Variants in PAIP2B observed in about 807,000 individuals in gnomAD.
The protein encoded by PAIP2B is poly(A) binding protein interacting protein 2B.
PAIP2B carries 13 observed loss-of-function variants against 17.0 expected under a neutral mutation model. The observed-to-expected ratio is 0.76, with a 90% CI of 0.50 to 1.22. PAIP2B has a LOEUF of 1.22. Ranked by LOEUF, PAIP2B falls within the 50% of genes most tolerant of loss-of-function variation. The probability of loss-of-function intolerance (pLI) is 0.00; values close to 1 mark genes in which losing one functional copy is unlikely to be tolerated. For missense variants in PAIP2B, 117 were observed against 144.5 expected, an observed-to-expected ratio of 0.81 and a Z score of 0.98; for synonymous variants, 43 against 48.7, an observed-to-expected ratio of 0.88 and a Z score of 0.48.
chr2:71,191,077 G>C (rs1330408287), intron 2 of PAIP2B, among the ~76,000 whole-genome samples: 1 of 152,190 alleles, frequency 6.6e-6, no homozygotes, highest in African/African-American at 2.4e-5. Context: ...TCACTCTGCA[G>C]ATTTCAGTGT....
intron 1 of PAIP2B, among the ~76,000 whole-genome samples, chr2:71,226,395 T>A (rs1675726982): frequency 6.6e-6 from 1 of 151,854 alleles, no homozygotes; most frequent in African/African-American, 2.4e-5. Flanking sequence ...CCCAGGCAAA[T>A]GAGGCATGAA....
intron 1 of PAIP2B, among the ~76,000 whole-genome samples, chr2:71,204,486 A>G (rs1025668817): frequency 2.0e-5 from 3 of 152,188 alleles, no homozygotes; most frequent in Non-Finnish European, 4.4e-5. Context: ...CTAAAAAGAC[A>G]AGGTAAAATT....
At chr2:71,190,456 T>C (rs1674660797) in intron 2 of PAIP2B, among the ~76,000 whole-genome samples, 1 of 152,106 alleles carries the variant, frequency 6.6e-6, no homozygotes, top group African/African-American at 2.4e-5. Flanking sequence ...AAAAAAAAGA[T>C]TTTATGATCT....
intron 1 of PAIP2B, among the ~76,000 whole-genome samples, chr2:71,218,881 G>A (rs1675501320): frequency 1.3e-5 from 2 of 149,616 alleles, no homozygotes; most frequent in African/African-American, 4.9e-5. Context: ...AAACCAGAAT[G>A]TTTTGAGTGG....
intron 2 of PAIP2B, among the ~76,000 whole-genome samples, chr2:71,191,977 G>A (rs376997616): frequency 1.3e-5 from 2 of 152,086 alleles, no homozygotes; most frequent in Admixed American, 6.5e-5. Context: ...TGCCAATCCC[G>A]AGTTCCCATT....
At chr2:71,195,578 C>T (rs974955192) in intron 2 of PAIP2B, among the ~76,000 whole-genome samples, 6 of 152,078 alleles carry the variant, frequency 3.9e-5, no homozygotes, top group African/African-American at 1.4e-4. Context: ...TTTGTCATTT[C>T]TAATTGTGTT....
chr2:71,188,818 G>A (rs1020917879), intron 3 of PAIP2B, among the ~76,000 whole-genome samples: 3 of 152,080 alleles, frequency 2.0e-5, no homozygotes, highest in African/African-American at 4.8e-5. Flanking sequence ...AATTCACTGA[G>A]TACCTTAACT....
chr2:71,220,622 C>T (rs145409229), intron 1 of PAIP2B, among the ~76,000 whole-genome samples: 1 of 152,310 alleles, frequency 6.6e-6, no homozygotes, highest in African/African-American at 2.4e-5. Flanking sequence ...TATAGTGCTC[C>T]AGAGTGCTCA....
At chr2:71,206,394 T>C (rs1675128395) in intron 1 of PAIP2B, among the ~76,000 whole-genome samples, 1 of 152,172 alleles carries the variant, frequency 6.6e-6, no homozygotes, top group African/African-American at 2.4e-5. Flanking sequence ...TCAAACATGC[T>C]GAAAATAAGA....
intron 1 of PAIP2B, among the ~76,000 whole-genome samples, chr2:71,205,785 G>T (rs1484899655): frequency 6.6e-6 from 1 of 152,212 alleles, no homozygotes; most frequent in Non-Finnish European, 1.5e-5. Flanking sequence ...TGAGGACAAA[G>T]AAAATATGCC....
intron 1 of PAIP2B, among the ~76,000 whole-genome samples, chr2:71,213,206 A>G (rs1166378361): frequency 6.6e-6 from 1 of 152,222 alleles, no homozygotes; most frequent in Non-Finnish European, 1.5e-5. Flanking sequence ...AAACTAGAAG[A>G]AATTCATACA....
intron 1 of PAIP2B, among the ~76,000 whole-genome samples, chr2:71,222,020 G>C (rs1192485496): frequency 6.6e-6 from 1 of 152,184 alleles, no homozygotes; most frequent in Non-Finnish European, 1.5e-5. Context: ...GCAGCAACCT[G>C]CTGGGGTCCC....
At chr2:71,191,056 T>C (rs1325096431) in intron 2 of PAIP2B, among the ~76,000 whole-genome samples, 2 of 152,226 alleles carry the variant, frequency 1.3e-5, no homozygotes, top group Non-Finnish European at 2.9e-5. Flanking sequence ...ACTCTTAGTA[T>C]AGAGTGTGGT....
Position 71,183,693 on chromosome 2 carries a change from G to A in PAIP2B, c.*4786C>T, listed in dbSNP as rs572838279. 1 of 152,306 alleles carries A rather than the reference G, an allele frequency of 6.6e-6. No individual in the cohort carries two copies. The highest frequency in any genetic ancestry group is 2.1e-4 in the South Asian group (1 of 4,828). The allele number at this position is 152,306 out of a possible 1,614,324, so 9.4% of individuals were successfully genotyped here. On this transcript the variant is annotated 3_prime_UTR_variant, in exon 4 of 4. Coordinates refer to ENST00000244221, the MANE Select transcript of PAIP2B (RefSeq NM_020459.1). ...AGCCAGACCCAAGGGACCACATATT[G>A]TATGATTCCATTGATTTGAACTGTC...
intron 1 of PAIP2B, among the ~76,000 whole-genome samples, chr2:71,203,248 C>G (rs1327761834): frequency 6.6e-6 from 1 of 152,088 alleles, no homozygotes; most frequent in Admixed American, 6.6e-5. Flanking sequence ...GATGCCCCAT[C>G]ATTTGCTTTT....
chr2:71,215,283 G>A (rs1675398784), intron 1 of PAIP2B, among the ~76,000 whole-genome samples: 2 of 151,854 alleles, frequency 1.3e-5, no homozygotes, highest in South Asian at 4.2e-4. Flanking sequence ...AGGTGACAGA[G>A]CGAGACTTCG....
intron 2 of PAIP2B, among the ~76,000 whole-genome samples, chr2:71,193,594 C>T (rs1277644935): frequency 6.6e-6 from 1 of 152,200 alleles, no homozygotes; most frequent in Admixed American, 6.5e-5. Flanking sequence ...GTGGCTCCGC[C>T]TGTAATCCCA....
chr2:71,212,563 C>G (rs1371066395), intron 1 of PAIP2B, among the ~76,000 whole-genome samples: 1 of 152,192 alleles, frequency 6.6e-6, no homozygotes, highest in Non-Finnish European at 1.5e-5. Flanking sequence ...CAGTCAGTGA[C>G]AGCACTACTC....
chr2:71,183,023 A>C lies in PAIP2B; in HGVS notation c.*5456T>G, dbSNP rs1572914311. ...TGGGCTGCTCCGGGACACCATCACCACTTCACCATCCACAACATCCTCAAG... is the reference window on the plus strand; with the variant it reads ...TGGGCTGCTCCGGGACACCATCACCCCTTCACCATCCACAACATCCTCAAG... On this transcript the variant is annotated 3_prime_UTR_variant, in exon 4 of 4. Coordinates refer to ENST00000244221, the MANE Select transcript of PAIP2B (RefSeq NM_020459.1). 1 of 89,612 alleles carries C rather than the reference A, an allele frequency of 1.1e-5. No individual in the cohort carries two copies. Among genetic ancestry groups the C allele is most frequent in the South Asian group, 4.8e-4 (1 of 2,102 alleles). 5.6% of individuals were successfully genotyped at this position (89,612 alleles called of 1,614,324 possible). A position where few individuals can be genotyped will look rare whatever the true frequency, so the allele number is the denominator to read the frequency against.
Sources: gnomAD v4.1 joint callset for allele counts (sites outside exome capture counted in the v4.1 genomes callset) on GRCh38, gnomAD v4.1.1 for gene constraint, MANE v1.5 for transcripts, NCBI Gene and HGNC (gene_info 2026-07-23, HGNC 2026-07-21) for gene names.